ZNRF1: variants seen among roughly 807,000 people sequenced by gnomAD.
The protein encoded by ZNRF1 is zinc and ring finger 1, also known as E3 ubiquitin-protein ligase ZNRF1.
A neutral mutation model predicts 18.4 loss-of-function variants in ZNRF1; 3 were observed. That is an observed-to-expected ratio of 0.16 (90% CI 0.07 to 0.42). ZNRF1 has a LOEUF of 0.42. Among genes scored for constraint, ZNRF1 ranks in the 10% least tolerant of loss-of-function variants. ZNRF1 has a pLI of 0.99. For synonymous variants in ZNRF1, 157 were observed against 144.2 expected (o/e 1.09, Z -0.64); for missense variants, 310 against 329.8 (o/e 0.94, Z 0.47).
intron 1 of ZNRF1, among the ~76,000 whole-genome samples, chr16:75,009,190 T>A (rs765660853): frequency 2.0e-5 from 3 of 152,232 alleles, no homozygotes; most frequent in Non-Finnish European, 4.4e-5. Context: ...TCCTTGGTAT[T>A]ATAAGTCTAT....
intron 1 of ZNRF1, among the ~76,000 whole-genome samples, chr16:75,021,924 C>T (rs561310678): frequency 6.6e-6 from 1 of 152,242 alleles, no homozygotes; most frequent in South Asian, 2.1e-4. Context: ...TTTCCCATCC[C>T]TCCTTTTGAA....
At chr16:75,050,887 AAC>A (rs1223531120) in intron 1 of ZNRF1, among the ~76,000 whole-genome samples, 10 of 29,460 alleles carry the variant, frequency 3.4e-4, no homozygotes, top group African/African-American at 4.6e-4. Flanking sequence ...AAAAAAAAAA[AAC>A]AAAAAAAAAC....
At chr16:75,064,253 A>G (rs1001684527) in intron 1 of ZNRF1, among the ~76,000 whole-genome samples, 5 of 151,988 alleles carry the variant, frequency 3.3e-5, no homozygotes, top group Non-Finnish European at 7.4e-5. Flanking sequence ...GTGAGCCAAG[A>G]TTTGTGCCAC....
chr16:75,052,389 AGACC>A (rs1310569207), intron 1 of ZNRF1, among the ~76,000 whole-genome samples: 2 of 151,758 alleles, frequency 1.3e-5, no homozygotes, highest in Non-Finnish European at 2.9e-5. Flanking sequence ...TGACAGAGCC[AGACC>A]CTGTCTCAAA....
intron 1 of ZNRF1, among the ~76,000 whole-genome samples, chr16:75,058,199 C>T (rs2035692676): frequency 6.6e-6 from 1 of 151,134 alleles, no homozygotes; most frequent in Non-Finnish European, 1.5e-5. Flanking sequence ...TCTCGAACTC[C>T]TGGTCCCATG....
At chr16:75,000,933 C>A (rs928844300) in intron 1 of ZNRF1, among the ~76,000 whole-genome samples, 4 of 152,194 alleles carry the variant, frequency 2.6e-5, no homozygotes. Context: ...TGGATGAATT[C>A]ATTTTATGAA....
intron 1 of ZNRF1, among the ~76,000 whole-genome samples, chr16:75,005,267 G>A (rs927981104): frequency 6.6e-6 from 1 of 152,134 alleles, no homozygotes; most frequent in African/African-American, 2.4e-5. Context: ...AAATACAAAA[G>A]TTACCCCGAG....
rs183813038 is a variant in ZNRF1 at position 75,097,225 on chromosome 16, G to C, written c.520+3558G>C. ...TGACCCTCGAGTCTCTGGGCTAGCA[G>C]AACAAGCGTGGAGGTGGGGGTCTGA... On this transcript the variant is annotated intron_variant, in intron 2 of 4. Transcript: ENST00000335325. 3.3e-5 allele frequency among the ~76,000 whole-genome samples: 5 copies of C among 152,310 alleles called. No homozygotes were observed. In the East Asian group the frequency reaches 9.6e-4, roughly 29 times the overall value.
chr16:75,046,538 ACC>A (rs1167094443), intron 1 of ZNRF1, among the ~76,000 whole-genome samples: 4 of 152,118 alleles, frequency 2.6e-5, no homozygotes, highest in African/African-American at 9.7e-5. Context: ...GGCGTGAGCC[ACC>A]ACACCCAGCT....
At chr16:75,082,444 G>T (rs547105939) in intron 1 of ZNRF1, among the ~76,000 whole-genome samples, 1 of 152,284 alleles carries the variant, frequency 6.6e-6, no homozygotes, top group Non-Finnish European at 1.5e-5. Context: ...TGTACAGCAG[G>T]GTGGGTTTGA....
In ZNRF1 at chr16:74,999,480, C is replaced by A; in HGVS notation, c.-192C>A. On this transcript the variant is annotated 5_prime_UTR_variant, in exon 1 of 5. Transcript: ENST00000335325. ...CGTTTGAAATTCTGAGTTTGGGATC[C>A]CCGCCCGCCCGCCTGCCTCTTCCGC... 1 of 421,888 alleles carries A rather than the reference C, an allele frequency of 2.4e-6. No individual in the cohort carries two copies. The highest frequency in any genetic ancestry group is 4.1e-6 in the Non-Finnish European group (1 of 245,374). 26.1% of individuals were successfully genotyped at this position (421,888 alleles called of 1,614,324 possible). A position where few individuals can be genotyped will look rare whatever the true frequency, so the allele number is the denominator to read the frequency against.
intron 1 of ZNRF1, among the ~76,000 whole-genome samples, chr16:75,024,807 C>T (rs915086903): frequency 7.2e-5 from 11 of 152,214 alleles, no homozygotes; most frequent in African/African-American, 2.7e-4. Context: ...AAAAGTTCTT[C>T]CTGCTTCTTT....
At chr16:75,000,723 G>T (rs1234808229) in intron 1 of ZNRF1, among the ~76,000 whole-genome samples, 1 of 152,164 alleles carries the variant, frequency 6.6e-6, no homozygotes, top group Non-Finnish European at 1.5e-5. Context: ...TGCAGGACCC[G>T]GGCTGTGGTC....
rs369936670 is a variant in ZNRF1, at chr16:75,038,133, T to C, written c.424+38038T>C. On this transcript the variant is annotated intron_variant, in intron 1 of 4. Coordinates refer to ENST00000335325, the MANE Select transcript of ZNRF1 (RefSeq NM_032268.5). The stretch of plus-strand genomic sequence containing the variant: ...TAGGCAACAAAACCTACCTCAAAAC[T>C]TAATGGCTTAAAACAACATCTATTT... Among the ~76,000 whole-genome samples the C allele has an allele frequency of 3.9e-5, 6 of 152,304 alleles. No homozygotes were observed. In the South Asian group the frequency reaches 1.2e-3, roughly 32 times the overall value.
chr16:75,102,060 C>G (rs1485172055), intron 2 of ZNRF1, among the ~76,000 whole-genome samples: 3 of 152,192 alleles, frequency 2.0e-5, no homozygotes, highest in Non-Finnish European at 2.9e-5. Flanking sequence ...AGAGTGACTT[C>G]TCTCGCAACT....
intron 1 of ZNRF1, among the ~76,000 whole-genome samples, chr16:75,033,291 G>A (rs1165054051): frequency 6.7e-6 from 1 of 150,192 alleles, no homozygotes; most frequent in Middle Eastern, 3.2e-3. Context: ...AATGCTTGCA[G>A]GAATTTTGAT....
chr16:75,032,416 G>A (rs939474106), intron 1 of ZNRF1, among the ~76,000 whole-genome samples: 1 of 151,796 alleles, frequency 6.6e-6, no homozygotes, highest in African/African-American at 2.4e-5. Flanking sequence ...GCCTTTTCTT[G>A]TTTTTATTGG....
chr16:75,068,188 TAAAAAAAAA>T (rs57755915), intron 1 of ZNRF1, among the ~76,000 whole-genome samples: 6 of 88,956 alleles, frequency 6.7e-5, no homozygotes, highest in South Asian at 4.5e-4. Flanking sequence ...GACCTTGTCT[TAAAAAAAAA>T]AAAAAAAAAA....
intron 1 of ZNRF1, among the ~76,000 whole-genome samples, chr16:75,044,873 T>A (rs1238924068): frequency 6.6e-6 from 1 of 152,252 alleles, no homozygotes; most frequent in Non-Finnish European, 1.5e-5. Context: ...TTAATATAAT[T>A]CCCTAAGGAG....
Sources: allele counts gnomAD v4.1 joint callset (sites outside exome capture counted in the v4.1 genomes callset), GRCh38; gene constraint gnomAD v4.1.1; transcripts MANE v1.5; gene names NCBI Gene and HGNC (gene_info 2026-07-23, HGNC 2026-07-21).